The following IBTK variants were observed in gnomAD, a reference collection of about 807,000 sequenced individuals.
IBTK encodes the protein inhibitor of Bruton tyrosine kinase, also known as BTK-binding protein.
In IBTK, 83 loss-of-function variants were observed where a neutral mutation model predicts 154.9. The observed-to-expected ratio is 0.54, with a 90% confidence interval of 0.45 to 0.64. The LOEUF (loss-of-function observed/expected upper bound fraction) is 0.64, where lower values mean the gene tolerates loss of function less well. Among genes scored for constraint, IBTK ranks in the 30% least tolerant of loss-of-function variants. IBTK has a pLI of 0.00. For synonymous variants in IBTK, 515 were observed against 536.1 expected, an observed-to-expected ratio of 0.96 and a Z score of 0.54; for missense variants, 1,332 against 1,584.6, an observed-to-expected ratio of 0.84 and a Z score of 2.71.
chr6:82,179,985 G>C (rs1383497704), intron 26 of IBTK, among the ~76,000 whole-genome samples: 1 of 8,342 alleles, frequency 1.2e-4, no homozygotes, highest in African/African-American at 4.8e-4. Flanking sequence ...GACAAAACAA[G>C]AAAGGAGGAT....
chr6:82,220,949 C>CAT (rs1461880681), intron 8 of IBTK, among the ~76,000 whole-genome samples: 1 of 148,748 alleles, frequency 6.7e-6, no homozygotes, highest in Non-Finnish European at 1.5e-5. Context: ...CACACACACA[C>CAT]ACACACACAC....
At chr6:82,218,762 A>G (rs1433586814) in intron 9 of IBTK, among the ~76,000 whole-genome samples, 1 of 152,184 alleles carries the variant, frequency 6.6e-6, no homozygotes, top group Non-Finnish European at 1.5e-5. Flanking sequence ...TGTTTCATAT[A>G]CCGGTATTCC....
At position 82,247,668 on chromosome 6, in the gene IBTK, G is replaced by C. The variant is rs1489593756; in HGVS notation, c.-464C>G. On this transcript the variant is annotated 5_prime_UTR_variant, in exon 1 of 29. Transcript: ENST00000306270. ...TAAGAGAAACCGAACGGCGCCAGAG[G>C]GGCCAGTCCCCAGACCCGGGTCAGT... The C allele has an allele frequency of 2.8e-5, 11 of 398,756 alleles. No homozygotes were observed. The highest frequency in any genetic ancestry group is 4.4e-5 in the Non-Finnish European group (10 of 226,274). The allele number at this position is 398,756 out of a possible 1,614,324, so 24.7% of individuals were successfully genotyped here. A position where few individuals can be genotyped will look rare whatever the true frequency, so the allele number is the denominator to read the frequency against.
intron 25 of IBTK, chr6:82,189,109 CAGTG>C: frequency 2.5e-6 from 1 of 395,342 alleles, no homozygotes; most frequent in Non-Finnish European, 4.9e-6. Context: ...GTAGAGAAAA[CAGTG>C]AGGAGGAAAA....
intron 27 of IBTK, chr6:82,173,005 T>A (rs60748794): frequency 2.7e-3 from 310 of 116,428 alleles, no homozygotes; most frequent in South Asian, 0.012. Context: ...ATTCTCTTTT[T>A]TTTTTTTTTT....
At chr6:82,221,913 C>T (rs781720146) in intron 8 of IBTK, among the ~76,000 whole-genome samples, 11 of 152,050 alleles carry the variant, frequency 7.2e-5, no homozygotes, top group Non-Finnish European at 1.5e-4. Context: ...GCCTGTAATC[C>T]AAGCATTTTG....
chr6:82,209,762 T>C (rs1439649155), intron 16 of IBTK, among the ~76,000 whole-genome samples: 1 of 152,198 alleles, frequency 6.6e-6, no homozygotes, highest in African/African-American at 2.4e-5. Flanking sequence ...GAGAAAAACA[T>C]ACCATGTCTC....
Position 82,242,669 on chromosome 6 carries a change from G to A in IBTK, c.-357-1826C>T, listed in dbSNP as rs1195310738. On this transcript the variant is annotated intron_variant, in intron 1 of 28. Coordinates refer to ENST00000306270, the MANE Select transcript of IBTK (RefSeq NM_015525.4). ...ACAAATAAAAATGTGTTTGGGGGCCGAGCACGGTGGCTCACGTCTGTAATC... is the reference window on the plus strand; with the variant it reads ...ACAAATAAAAATGTGTTTGGGGGCCAAGCACGGTGGCTCACGTCTGTAATC... 9.9e-5 allele frequency among the ~76,000 whole-genome samples: 15 copies of A among 151,830 alleles called. No homozygotes were observed. The South Asian group carries it at 1.0e-3, about 11-fold the overall frequency.
intron 25 of IBTK, among the ~76,000 whole-genome samples, chr6:82,183,134 G>A (rs775331206): frequency 1.3e-5 from 2 of 152,214 alleles, no homozygotes; most frequent in Non-Finnish European, 2.9e-5. Context: ...ATAGAGCCAG[G>A]TACAGTGGCT....
chr6:82,181,525 G>A (rs1582184061), intron 26 of IBTK, among the ~76,000 whole-genome samples: 1 of 152,122 alleles, frequency 6.6e-6, no homozygotes, highest in Admixed American at 6.5e-5. Context: ...TTGGGAGGGG[G>A]AAACAGAAGG....
In IBTK at chr6:82,200,653, C is replaced by T; in HGVS notation, c.2846G>A (p.Ser949Asn). The T allele has an allele frequency of 1.9e-6, 3 of 1,597,724 alleles. No homozygotes were observed. Among genetic ancestry groups the T allele is most frequent in the Non-Finnish European group, 2.6e-6 (3 of 1,173,014 alleles). The change falls in exon 20 of 29, where the codon AGC (serine) becomes AAC (asparagine). Residue 949 changes from serine (S) to asparagine (N), a missense_variant. This residue lies in a region of IBTK where 1,134 missense variants were observed against 1,274.7 expected (regional missense o/e 0.89). Transcript: ENST00000306270. ...ITPYQDGPDISYLEVEDGDIF... is the reference protein window; with the variant it reads ...ITPYQDGPDINYLEVEDGDIF... ...ATCTCCATCTTCTACTTCCAAATAG[C>T]TAATATCTGGTCCATCTTGATATGG...
In IBTK at chr6:82,200,152, G is replaced by A. The variant is rs1396434906; in HGVS notation, c.3014C>T (p.Pro1005Leu). 6.3e-7 allele frequency: 1 copy of A among 1,597,340 alleles called. No individual in the cohort carries two copies. The highest frequency in any genetic ancestry group is 1.7e-5 in the Admixed American group (1 of 59,010). Residue 1005 changes from proline to leucine, a missense_variant, in exon 21 of 29, where the codon CCA (proline) becomes CTA (leucine). Physicochemically the swap from Pro to Leu is moderately conservative, Grantham distance 98 (BLOSUM62 -3). Transcript: ENST00000306270. ...CACTTTCCACGAACCTGTAGATGAT[G>A]GACTCTGAATAATATCTGAAAGGTT... ...GYNLSDIIQS[P>L]SSTGLLKSGK...
At chr6:82,217,184 G>A (rs528827505) in intron 10 of IBTK, among the ~76,000 whole-genome samples, 1 of 152,234 alleles carries the variant, frequency 6.6e-6, no homozygotes, top group South Asian at 2.1e-4. Flanking sequence ...AGAAGCAGAA[G>A]TTAGAGCATG....
rs1228117352 is a variant in IBTK, at chr6:82,216,183, A to G, written c.1494T>C (p.Tyr498=). The G allele has an allele frequency of 6.2e-7, 1 of 1,612,160 alleles. No individual in the cohort carries two copies. The highest frequency in any genetic ancestry group is 1.7e-5 in the Admixed American group (1 of 59,932). ...TAAGTTTCTCAAGTCGAATTCTTTC[A>G]TACACACTATTTATATCAGAGACAT... The part of the protein sequence containing the change: ...VSYVSDINSV[Y]ERIRLEKLTF... The change falls in exon 11 of 29, where the codon TAT becomes TAC. Residue 498 remains tyrosine, a synonymous_variant. Transcript: ENST00000306270.
At chr6:82,182,442 C>T (rs1768355540) in intron 25 of IBTK, among the ~76,000 whole-genome samples, 1 of 151,458 alleles carries the variant, frequency 6.6e-6, no homozygotes. Flanking sequence ...TGAAGATAAA[C>T]CAAAAGAAAT....
At chr6:82,191,254 G>C (rs780126696) in intron 24 of IBTK, 38 bp from the exon 25 acceptor site, 1 of 1,534,486 alleles carries the variant, frequency 6.5e-7, no homozygotes, top group Non-Finnish European at 8.8e-7. Context: ...GGTTTCTTCT[G>C]ACAAAGTTTA....
Position 82,191,148 on chromosome 6 carries a change from T to C in IBTK, c.3500A>G (p.Glu1167Gly). The C allele has an allele frequency of 1.2e-6, 2 of 1,609,652 alleles. No homozygotes were observed. Among genetic ancestry groups the C allele is most frequent in the Non-Finnish European group, 1.7e-6 (2 of 1,177,706 alleles). ...CATGCTATTCATTCCTGAATTGTTT[T>C]CCTTGGTAGTCAATGCAATCATTTT... ...QRKMIALTTK[E>G]NNSGMNSMET... Residue 1167 changes from glutamate to glycine, a missense_variant, in exon 25 of 29, where the codon GAA (glutamate) becomes GGA (glycine). Glu to Gly is a moderately conservative substitution (Grantham distance 98). Around this residue, in one of 3 missense-constraint regions of IBTK, gnomAD observed 1,134 missense variants for 1,274.7 expected, o/e 0.89. Coordinates refer to ENST00000306270, the MANE Select transcript of IBTK (RefSeq NM_015525.4).
At chr6:82,230,115 C>T (rs1302812177) in intron 4 of IBTK, among the ~76,000 whole-genome samples, 1 of 152,054 alleles carries the variant, frequency 6.6e-6, no homozygotes, top group African/African-American at 2.4e-5. Context: ...GATATGTTGT[C>T]AAAGTAGCTC....
intron 2 of IBTK, 64 bp downstream of exon 2, chr6:82,240,102 T>G (rs796295327): frequency 2.1e-6 from 3 of 1,402,012 alleles, no homozygotes; most frequent in Non-Finnish European, 2.9e-6. Flanking sequence ...GTAGGATGTA[T>G]GAAAATGATT....
Sources: gnomAD v4.1 joint callset for allele counts (sites outside exome capture counted in the v4.1 genomes callset) on GRCh38, gnomAD v4.1.1 for gene constraint, gnomAD v4.1.1 regional missense constraint, MANE v1.5 for transcripts, NCBI Gene and HGNC (gene_info 2026-07-23, HGNC 2026-07-21) for gene names.